TSTD1: variants seen among roughly 807,000 people sequenced by gnomAD.
The protein encoded by TSTD1 is thiosulfate sulfurtransferase like domain containing 1.
TSTD1 carries 7 observed loss-of-function variants against 12.6 expected under a neutral mutation model. The ratio of observed to expected loss-of-function variants is 0.55; its 90% confidence interval spans 0.32 to 1.04. The LOEUF is 1.04. Among genes scored for constraint, TSTD1 ranks in the 50% least tolerant of loss-of-function variants. The probability of loss-of-function intolerance (pLI) is 0.05; values close to 1 mark genes in which losing one functional copy is unlikely to be tolerated. For missense variants in TSTD1, 156 were observed against 151.0 expected, an observed-to-expected ratio of 1.03 and a Z score of -0.17; for synonymous variants, 73 against 59.7, an observed-to-expected ratio of 1.22 and a Z score of -1.03.
chr1:161,038,007 G>C lies in TSTD1; in HGVS notation c.202C>G (p.Pro68Ala), dbSNP rs1383802915. The C allele has an allele frequency of 1.3e-6, 2 of 1,551,708 alleles. No individual in the cohort carries two copies. Among genetic ancestry groups the C allele is most frequent in the East Asian group, 4.9e-5 (2 of 40,916 alleles). Residue 68 changes from proline (P) to alanine (A), a missense_variant, in exon 3 of 4, where the codon CCA (proline) becomes GCA (alanine). By Grantham distance (27) the Pro-to-Ala change is conservative (BLOSUM62 -1). Transcript: ENST00000423014. Reference protein sequence around the residue: ...AFQALYSAEKPKLEDEHLVFF... With the variant: ...AFQALYSAEKAKLEDEHLVFF... ...ACGAGATGCTCATCTTCCAGCTTTG[G>C]CTTCTCAGCAGAATATAAAGCCTGG... is the stretch of plus-strand genomic sequence containing the variant.
Position 161,038,646 on chromosome 1 carries a change from C to T in TSTD1, c.38G>A (p.Arg13His), listed in dbSNP as rs1650338786. The T allele has an allele frequency of 1.9e-6, 3 of 1,549,702 alleles. No homozygotes were observed. Among genetic ancestry groups the T allele is most frequent in the South Asian group, 2.4e-5 (2 of 84,018 alleles). ...GGCCCGTCCGGAGGCTAGGAGTGAA[C>T]GGAGTTCAGGAAGCGAGACCGTGGG... ...GAPTVSLPEL[R>H]SLLASGRARL... is the part of the protein sequence containing the mutation. The change falls in exon 2 of 4, where the codon CGT becomes CAT. Residue 13 changes from arginine to histidine, a missense_variant. Coordinates refer to ENST00000423014, the MANE Select transcript of TSTD1 (RefSeq NM_001113207.2).
At position 161,037,931 on chromosome 1, in the gene TSTD1, C is replaced by G. The variant is rs372161212; in HGVS notation, c.278G>C (p.Arg93Pro). 3 of 1,551,764 alleles carry G rather than the reference C, an allele frequency of 1.9e-6. No individual in the cohort carries two copies. The highest frequency in any genetic ancestry group is 8.7e-7 in the Non-Finnish European group (1 of 1,147,036). The change falls in exon 3 of 4, where the codon CGG (arginine) becomes CCG (proline). Residue 93 changes from arginine (R) to proline (P), a missense_variant. Transcript: ENST00000423014. ...KRGLQATQLA[R>P]SLGYTGARNY... ...CCCGTACCCAGTGTATCCAAGACTC[C>G]GGGCCAGCTGCGTGGCCTGGAGGCC...
chr1:161,037,979 A>C lies in TSTD1; in HGVS notation c.230T>G (p.Phe77Cys), dbSNP rs541250766. The change falls in exon 3 of 4, where the codon TTC (phenylalanine) becomes TGC (cysteine). Residue 77 changes from phenylalanine (F) to cysteine (C), a missense_variant. Phe to Cys is a radical substitution (Grantham distance 205, BLOSUM62 -2). Coordinates refer to ENST00000423014, the MANE Select transcript of TSTD1 (RefSeq NM_001113207.2). ...KPKLEDEHLV[F>C]FCQMGKRGLQ... Reference sequence around the variant, plus strand: ...GCCCCGCTTGCCCATCTGACAGAAGAAAACGAGATGCTCATCTTCCAGCTT... The same window carrying C: ...GCCCCGCTTGCCCATCTGACAGAAGCAAACGAGATGCTCATCTTCCAGCTT... 6.4e-7 allele frequency: 1 copy of C among 1,551,812 alleles called. No individual in the cohort carries two copies. Among genetic ancestry groups the C allele is most frequent in the African/African-American group, 1.4e-5 (1 of 73,198 alleles).
Position 161,038,882 on chromosome 1 carries a change from C to G in TSTD1, c.8G>C (p.Gly3Ala). The G allele has an allele frequency of 6.4e-7, 1 of 1,550,724 alleles. No individual in the cohort carries two copies. Among genetic ancestry groups the G allele is most frequent in the East Asian group, 2.4e-5 (1 of 40,872 alleles). MA[G>A]APTVSLPELR... The stretch of plus-strand genomic sequence containing the variant: ...CCCCAGGAATCCCCCGCAGGTACCT[C>G]CAGCCATGGTGCGCGTAGCAACCGC... The change falls in exon 1 of 4, where the codon GGA becomes GCA. Residue 3 changes from glycine to alanine, a missense_variant and splice_region_variant. Physicochemically the swap from Gly to Ala is moderately conservative, Grantham distance 60 (BLOSUM62 0). Coordinates refer to ENST00000423014, the MANE Select transcript of TSTD1 (RefSeq NM_001113207.2).
intron 2 of TSTD1, 90 bp from the exon 3 acceptor site, chr1:161,038,165 C>A: frequency 7.6e-7 from 1 of 1,317,664 alleles, no homozygotes. Context: ...CCTGGGGGCC[C>A]CCAAACAACA....
chr1:161,038,871 C>T lies in TSTD1; in HGVS notation c.10+9G>A, dbSNP rs757486159. On this transcript the variant is annotated intron_variant, in intron 1 of 3. Transcript: ENST00000423014. Reference sequence around the variant, plus strand: ...GAGAACCGCGGCCCCAGGAATCCCCCGCAGGTACCTCCAGCCATGGTGCGC... The same window carrying T: ...GAGAACCGCGGCCCCAGGAATCCCCTGCAGGTACCTCCAGCCATGGTGCGC... 6.5e-6 allele frequency: 10 copies of T among 1,549,898 alleles called. No homozygotes were observed. The highest frequency in any genetic ancestry group is 1.7e-4 in the Middle Eastern group (1 of 6,004).
At position 161,037,748 on chromosome 1, in the gene TSTD1, G is replaced by A. The variant is rs1483267032; in HGVS notation, c.*27C>T. 6.4e-7 allele frequency: 1 copy of A among 1,551,538 alleles called. No individual in the cohort carries two copies. Among genetic ancestry groups the A allele is most frequent in the Admixed American group, 2.0e-5 (1 of 50,982 alleles). On this transcript the variant is annotated 3_prime_UTR_variant, in exon 4 of 4. Coordinates refer to ENST00000423014, the MANE Select transcript of TSTD1 (RefSeq NM_001113207.2). ...TAAGGTGGCCATTAAGGGGCCAGGG[G>A]GTGGCAATCAGTAAGCTGCCTCCTG... is the stretch of plus-strand genomic sequence containing the variant.
At chr1:161,038,412 G>C (rs1405757203) in intron 2 of TSTD1, 139 bp downstream of exon 2, 2 of 1,077,170 alleles carry the variant, frequency 1.9e-6, no homozygotes, top group Non-Finnish European at 2.6e-6. Flanking sequence ...TCCTACGGAA[G>C]CTGAGGGCTG....
rs1399973770 is a variant in TSTD1 at position 161,038,667 on chromosome 1, G to A, written c.17C>T (p.Thr6Met). 3.5e-5 allele frequency: 54 copies of A among 1,543,498 alleles called. No individual in the cohort carries two copies. The highest frequency in any genetic ancestry group is 4.6e-5 in the Non-Finnish European group (53 of 1,140,384). Residue 6 changes from threonine (T) to methionine (M), a missense_variant, in exon 2 of 4, where the codon ACG (threonine) becomes ATG (methionine). Coordinates refer to ENST00000423014, the MANE Select transcript of TSTD1 (RefSeq NM_001113207.2). ...TGAACGGAGTTCAGGAAGCGAGACC[G>A]TGGGCGCTGAGGAAGGGGCGCGACA... MAGAP[T>M]VSLPELRSLL...
rs1198227460 is a variant in TSTD1, at chr1:161,038,565, G to A, written c.119C>T (p.Ala40Val). The A allele has an allele frequency of 1.3e-6, 2 of 1,542,866 alleles. No individual in the cohort carries two copies. Among genetic ancestry groups the A allele is most frequent in the South Asian group, 2.4e-5 (2 of 83,792 alleles). Residue 40 changes from alanine to valine, a missense_variant, in exon 2 of 4, where the codon GCG becomes GTG. Ala to Val is a moderately conservative substitution (Grantham distance 64). Coordinates refer to ENST00000423014, the MANE Select transcript of TSTD1 (RefSeq NM_001113207.2). ...EEAAAGTIPGALNIPVSELES... is the reference protein window; with the variant it reads ...EEAAAGTIPGVLNIPVSELES... ...CCACCCTATACCCGGGATGTTGAGCGCCCCTGGGATGGTCCCAGCTGCCGC... is the reference window on the plus strand; with the variant it reads ...CCACCCTATACCCGGGATGTTGAGCACCCCTGGGATGGTCCCAGCTGCCGC...
intron 2 of TSTD1, chr1:161,038,294 G>T: frequency 1.5e-6 from 1 of 674,832 alleles, no homozygotes; most frequent in Non-Finnish European, 2.4e-6. Context: ...CAGGCGTCCA[G>T]ATTTGGGGAG....
In TSTD1 at chr1:161,038,559, T is replaced by C. The variant is rs991990424; in HGVS notation, c.125A>G (p.Asn42Ser). The C allele has an allele frequency of 9.7e-6, 15 of 1,542,562 alleles. No homozygotes were observed. In the African/African-American group the frequency reaches 1.6e-4, roughly 17 times the overall value. ...CCCTCTCCACCCTATACCCGGGATG[T>C]TGAGCGCCCCTGGGATGGTCCCAGC... is the stretch of plus-strand genomic sequence containing the variant. ...AAAGTIPGAL[N>S]IPVSELESAL... Residue 42 changes from asparagine (N) to serine (S), a missense_variant, in exon 2 of 4, where the codon AAC becomes AGC. Transcript: ENST00000423014.
Position 161,038,893 on chromosome 1 carries a change from G to A in TSTD1, c.-4C>T, listed in dbSNP as rs1039037194. 1 of 1,550,622 alleles carries A rather than the reference G, an allele frequency of 6.4e-7. No homozygotes were observed. Among genetic ancestry groups the A allele is most frequent in the Non-Finnish European group, 8.7e-7 (1 of 1,146,372 alleles). ...CCCCGCAGGTACCTCCAGCCATGGTGCGCGTAGCAACCGCGAGTCTCCGGA... is the reference window on the plus strand; with the variant it reads ...CCCCGCAGGTACCTCCAGCCATGGTACGCGTAGCAACCGCGAGTCTCCGGA... On this transcript the variant is annotated 5_prime_UTR_variant, in exon 1 of 4. Transcript: ENST00000423014.
intron 2 of TSTD1, 169 bp from the exon 3 acceptor site, chr1:161,038,244 C>T: frequency 2.7e-6 from 2 of 747,306 alleles, no homozygotes; most frequent in Non-Finnish European, 4.2e-6. Flanking sequence ...GAATGCAAGC[C>T]ACTCCCTAAG....
Position 161,037,779 on chromosome 1 carries a change from C to T in TSTD1, c.344G>A (p.Ser115Asn). Residue 115 changes from serine (S) to asparagine (N), a missense_variant, in exon 4 of 4, where the codon AGT (serine) becomes AAT (asparagine). By Grantham distance (46) the Ser-to-Asn change is conservative (BLOSUM62 1). Transcript: ENST00000423014. ...GAYREWLEKES is the reference protein window; with the variant it reads ...GAYREWLEKEN ...AATCAGTAAGCTGCCTCCTGCCTAACTCTCTTTCTCCAACCATTCTCTATA... is the reference window on the plus strand; with the variant it reads ...AATCAGTAAGCTGCCTCCTGCCTAATTCTCTTTCTCCAACCATTCTCTATA... 1 of 1,551,776 alleles carries T rather than the reference C, an allele frequency of 6.4e-7. No homozygotes were observed. The highest frequency in any genetic ancestry group is 8.7e-7 in the Non-Finnish European group (1 of 1,147,008).
chr1:161,038,749 C>A, intron 1 of TSTD1, 76 bp from the exon 2 acceptor site: 1 of 1,519,866 alleles, frequency 6.6e-7, no homozygotes. Context: ...CCTCACCTGG[C>A]AGCGCCCCTC....
intron 1 of TSTD1, 26 bp downstream of exon 1, chr1:161,038,854 C>G: frequency 3.2e-6 from 5 of 1,548,772 alleles, no homozygotes; most frequent in Non-Finnish European, 4.4e-6. Flanking sequence ...AAGAGAACCG[C>G]GGCCCCAGGA....
Position 161,038,018 on chromosome 1 carries a change from GAATATA to G in TSTD1, c.185_190del (p.Leu62_Tyr63del). 6.4e-7 allele frequency: 1 copy of G among 1,551,706 alleles called. No homozygotes were observed. The highest frequency in any genetic ancestry group is 1.2e-5 in the South Asian group (1 of 84,058). On this transcript the variant is annotated inframe_deletion, in exon 3 of 4. Coordinates refer to ENST00000423014, the MANE Select transcript of TSTD1 (RefSeq NM_001113207.2). ...ATCTTCCAGCTTTGGCTTCTCAGCAGAATATAAAGCCTGGAAGGCAGCTGGCTCCAT... is the reference window on the plus strand; with the variant it reads ...ATCTTCCAGCTTTGGCTTCTCAGCAGAAGCCTGGAAGGCAGCTGGCTCCAT...
intron 2 of TSTD1, 179 bp from the exon 3 acceptor site, chr1:161,038,254 G>A: frequency 2.8e-6 from 2 of 721,844 alleles, no homozygotes; most frequent in Non-Finnish European, 4.4e-6. Flanking sequence ...CACTCCCTAA[G>A]CTGTGAGGAG....
Sources: gnomAD v4.1 joint callset for allele counts on GRCh38, gnomAD v4.1.1 for gene constraint, MANE v1.5 for transcripts, NCBI Gene and HGNC (gene_info 2026-07-23, HGNC 2026-07-21) for gene names.